LAMC3: variants seen among roughly 807,000 people sequenced by gnomAD.
LAMC3 encodes the protein laminin subunit gamma 3, also known as laminin subunit gamma-3.
Under a neutral mutation model 173.8 loss-of-function variants are expected in LAMC3, and 128 were observed. That is an observed-to-expected ratio of 0.74 (90% confidence interval 0.64 to 0.85). The LOEUF is 0.85. Ranked by LOEUF, LAMC3 falls within the 40% of genes least tolerant of loss-of-function variation. The pLI, the probability that LAMC3 is intolerant of heterozygous loss-of-function variation, is 0.00. For missense variants in LAMC3, 2,022 were observed against 2,156.0 expected, an observed-to-expected ratio of 0.94 and a Z score of 1.23; for synonymous variants, 897 against 909.1, an observed-to-expected ratio of 0.99 and a Z score of 0.24.
chr9:131,047,436 G>A (rs1244781360), intron 8 of LAMC3, among the ~76,000 whole-genome samples: 1 of 151,124 alleles, frequency 6.6e-6, no homozygotes, highest in African/African-American at 2.4e-5. Flanking sequence ...CAGAGTGCTG[G>A]GATTACAGGT....
Position 131,065,747 on chromosome 9 carries a change from G to A in LAMC3, c.2348-1213G>A, listed in dbSNP as rs571590356. Among the ~76,000 whole-genome samples, 5 of 152,068 alleles carry A rather than the reference G, an allele frequency of 3.3e-5. No homozygotes were observed. The South Asian group carries it at 8.4e-4, about 25-fold the overall frequency. Reference sequence around the variant, plus strand: ...ACCACCACACGTGATCACGGGTGATGATGAGGATAATGGTCAAGAAGGTGA... The same window carrying A: ...ACCACCACACGTGATCACGGGTGATAATGAGGATAATGGTCAAGAAGGTGA... On this transcript the variant is annotated intron_variant, in intron 13 of 27. Transcript: ENST00000361069.
chr9:131,063,449 C>T (rs1342762754), intron 13 of LAMC3, among the ~76,000 whole-genome samples: 1 of 152,206 alleles, frequency 6.6e-6, no homozygotes, highest in Non-Finnish European at 1.5e-5. Context: ...GAGGGAACCA[C>T]CCTTGGGAGG....
At chr9:131,054,775 G>A (rs774772298) in intron 11 of LAMC3, among the ~76,000 whole-genome samples, 68 of 149,772 alleles carry the variant, frequency 4.5e-4, no homozygotes, top group Non-Finnish European at 8.0e-4. Context: ...AGAGAGAGGG[G>A]AAGGGAGGGG....
In LAMC3 at chr9:131,009,509, G is replaced by A; in HGVS notation, c.295G>A (p.Glu99Lys). Residue 99 changes from glutamate (E) to lysine (K), a missense_variant, in exon 1 of 28, where the codon GAG (glutamate) becomes AAG (lysine). By Grantham distance (56) the Glu-to-Lys change is moderately conservative. Coordinates refer to ENST00000361069, the MANE Select transcript of LAMC3 (RefSeq NM_006059.4). The surrounding 1 kb of genome is among the most constrained non-coding windows in gnomAD (Gnocchi z 4.3). ...SYLTDFHSQD[E>K]STWWQSPSMA... ...CCTCACCGACTTCCACAGCCAGGAC[G>A]AGAGCACCTGGTGGCAGAGCCCGTC... 1.3e-6 allele frequency: 2 copies of A among 1,553,526 alleles called. No individual in the cohort carries two copies. The highest frequency in any genetic ancestry group is 1.7e-6 in the Non-Finnish European group (2 of 1,148,830).
intron 1 of LAMC3, among the ~76,000 whole-genome samples, chr9:131,020,609 A>G (rs1274025910): frequency 6.6e-6 from 1 of 152,236 alleles, no homozygotes; most frequent in Non-Finnish European, 1.5e-5. Flanking sequence ...TGACTGAGAC[A>G]TGACTGCATG....
At chr9:131,036,033 A>T in intron 3 of LAMC3, 133 bp from the exon 4 acceptor site, 1 of 883,002 alleles carries the variant, frequency 1.1e-6, no homozygotes, top group Non-Finnish European at 1.9e-6. Context: ...GGCACATAGT[A>T]GGTGTTCAGT....
chr9:131,055,028 CT>C (rs1270957685), intron 11 of LAMC3, among the ~76,000 whole-genome samples: 1 of 152,114 alleles, frequency 6.6e-6, no homozygotes, highest in African/African-American at 2.4e-5. Flanking sequence ...AGCCATCCCC[CT>C]ATTGACAGGC....
At chr9:131,084,252 C>T (rs1218897822) in intron 24 of LAMC3, among the ~76,000 whole-genome samples, 1 of 151,898 alleles carries the variant, frequency 6.6e-6, no homozygotes, top group African/African-American at 2.4e-5. Flanking sequence ...ACTCTGTCAC[C>T]CAGGCTGGAG....
intron 17 of LAMC3, among the ~76,000 whole-genome samples, chr9:131,070,195 G>A (rs1442029866): frequency 6.6e-6 from 1 of 152,240 alleles, no homozygotes; most frequent in Non-Finnish European, 1.5e-5. Context: ...TTCTGAGTGG[G>A]AAGGTGGCTG....
intron 27 of LAMC3, 56 bp from the exon 28 acceptor site, chr9:131,091,481 C>T: frequency 6.4e-7 from 1 of 1,551,264 alleles, no homozygotes; most frequent in South Asian, 1.2e-5. Context: ...CTGGGAGGTG[C>T]CCTGGGGCCT....
At chr9:131,090,285 C>T (rs1056814973) in intron 27 of LAMC3, among the ~76,000 whole-genome samples, 2 of 152,246 alleles carry the variant, frequency 1.3e-5, no homozygotes, top group African/African-American at 2.4e-5. Flanking sequence ...TCACTTGTCA[C>T]ACTCTGTGTT....
At chr9:131,080,824 C>A (rs1588168800) in intron 23 of LAMC3, among the ~76,000 whole-genome samples, 1 of 152,112 alleles carries the variant, frequency 6.6e-6, no homozygotes, top group African/African-American at 2.4e-5. Flanking sequence ...AGCACCCATG[C>A]CTTCGTCCTC....
intron 27 of LAMC3, among the ~76,000 whole-genome samples, chr9:131,089,367 A>G (rs1348903871): frequency 1.3e-5 from 2 of 151,922 alleles, no homozygotes. Context: ...CTGGAATCAT[A>G]TAGTATTTGT....
chr9:131,076,324 G>A (rs1198373323), intron 21 of LAMC3, among the ~76,000 whole-genome samples: 1 of 152,012 alleles, frequency 6.6e-6, no homozygotes, highest in East Asian at 1.9e-4. Context: ...TGAGGCACCA[G>A]CTTCTTTCTC....
intron 13 of LAMC3, among the ~76,000 whole-genome samples, chr9:131,062,527 C>T (rs190668378): frequency 1.8e-4 from 28 of 152,148 alleles, no homozygotes; most frequent in African/African-American, 6.3e-4. Context: ...GTCACTCATC[C>T]ATCTCTAGAA....
At chr9:131,046,156 T>G (rs1267140578) in intron 8 of LAMC3, among the ~76,000 whole-genome samples, 2 of 150,998 alleles carry the variant, frequency 1.3e-5, no homozygotes, top group African/African-American at 4.9e-5. Flanking sequence ...GAGCACTGCA[T>G]TTGTCAGCTC....
intron 1 of LAMC3, among the ~76,000 whole-genome samples, chr9:131,019,790 G>C (rs536215850): frequency 2.6e-5 from 4 of 152,198 alleles, no homozygotes; most frequent in African/African-American, 9.6e-5. Context: ...GGTGAAGGGG[G>C]TGCTGGTGCC....
At chr9:131,033,747 G>A (rs1163296240) in intron 3 of LAMC3, among the ~76,000 whole-genome samples, 2 of 152,124 alleles carry the variant, frequency 1.3e-5, no homozygotes, top group South Asian at 2.1e-4. Context: ...GGTGTGGGGC[G>A]CGTGGGTCTG....
intron 25 of LAMC3, among the ~76,000 whole-genome samples, chr9:131,086,224 G>T (rs117756557): frequency 6.6e-6 from 1 of 151,738 alleles, no homozygotes; most frequent in African/African-American, 2.4e-5. Flanking sequence ...GATTATAGGC[G>T]TGCTCCACCA....
Sources: gnomAD v4.1 joint callset for allele counts (sites outside exome capture counted in the v4.1 genomes callset) on GRCh38, gnomAD v4.1.1 for gene constraint, Gnocchi (gnomAD v3.1) non-coding constraint, MANE v1.5 for transcripts, NCBI Gene and HGNC (gene_info 2026-07-23, HGNC 2026-07-21) for gene names.